Variants in COG5 observed in about 807,000 individuals in gnomAD.
COG5 encodes component of oligomeric golgi complex 5, also known as conserved oligomeric Golgi complex subunit 5.
Under a neutral mutation model 110.4 loss-of-function variants are expected in COG5, and 86 were observed. That is an observed-to-expected ratio of 0.78 (90% CI 0.65 to 0.93). The LOEUF is 0.93. Among genes scored for constraint, COG5 ranks in the 40% least tolerant of loss-of-function variants. The pLI is 0.00. For synonymous variants in COG5, 360 were observed against 334.6 expected (o/e 1.08, Z -0.83); for missense variants, 1,077 against 987.0 (o/e 1.09, Z -1.22).
At chr7:107,222,736 T>C (rs1331173135) in intron 19 of COG5, among the ~76,000 whole-genome samples, 1 of 152,176 alleles carries the variant, frequency 6.6e-6, no homozygotes, top group African/African-American at 2.4e-5. Context: ...CTAAAGTGCT[T>C]TATGAAACAA....
chr7:107,461,928 G>A (rs553636665), intron 6 of COG5, among the ~76,000 whole-genome samples: 11 of 152,216 alleles, frequency 7.2e-5, no homozygotes, highest in Non-Finnish European at 8.8e-5. Context: ...TTTAAAGATC[G>A]GAGGACTCAA....
intron 10 of COG5, among the ~76,000 whole-genome samples, chr7:107,352,351 AT>A (rs1381170629): frequency 6.6e-6 from 1 of 150,674 alleles, no homozygotes; most frequent in Non-Finnish European, 1.5e-5. Context: ...CCTAATGCTA[AT>A]TGACAAGTTA....
chr7:107,504,613 AATCT>A (rs1490836159), intron 6 of COG5, among the ~76,000 whole-genome samples: 1 of 152,146 alleles, frequency 6.6e-6, no homozygotes, highest in Admixed American at 6.5e-5. Context: ...TTCAGCTGTG[AATCT>A]ATCTAGCCCT....
intron 12 of COG5, among the ~76,000 whole-genome samples, chr7:107,293,593 T>C (rs1806349407): frequency 6.6e-6 from 1 of 152,206 alleles, no homozygotes; most frequent in Non-Finnish European, 1.5e-5. Context: ...ACTCATTCTT[T>C]GGGGCTCCAC....
chr7:107,563,683 G>T, intron 1 of COG5, 120 bp downstream of exon 1: 1 of 1,128,482 alleles, frequency 8.9e-7, no homozygotes, highest in Non-Finnish European at 1.3e-6. Context: ...GCGGAGGGGA[G>T]TGGTCACGTC....
At chr7:107,452,691 G>A (rs888477696) in intron 6 of COG5, among the ~76,000 whole-genome samples, 6 of 152,224 alleles carry the variant, frequency 3.9e-5, no homozygotes, top group South Asian at 2.1e-4. Flanking sequence ...ATGTGAAACT[G>A]TAAGTCCATT....
intron 11 of COG5, among the ~76,000 whole-genome samples, chr7:107,322,916 T>C (rs73187346): frequency 0.049 from 7,464 of 152,226 alleles, 223 homozygotes; most frequent in East Asian, 0.11. Context: ...TGCAACAACA[T>C]GGAAGAATCT....
At chr7:107,301,046 GAC>G (rs1446751119) in intron 11 of COG5, among the ~76,000 whole-genome samples, 1 of 152,144 alleles carries the variant, frequency 6.6e-6, no homozygotes, top group Non-Finnish European at 1.5e-5. Flanking sequence ...CAATTTAGTA[GAC>G]ACAGGGTAGA....
intron 6 of COG5, among the ~76,000 whole-genome samples, chr7:107,416,563 A>T (rs1169769463): frequency 2.0e-5 from 3 of 152,212 alleles, no homozygotes; most frequent in African/African-American, 7.2e-5. Flanking sequence ...TATAACTTAT[A>T]TATGTTAAAA....
At chr7:107,379,522 G>A (rs1814923133) in intron 7 of COG5, among the ~76,000 whole-genome samples, 1 of 147,312 alleles carries the variant, frequency 6.8e-6, no homozygotes, top group South Asian at 2.2e-4. Flanking sequence ...ATACTCAGGA[G>A]ACCCATCTCA....
chr7:107,420,530 G>A (rs964373182), intron 6 of COG5, among the ~76,000 whole-genome samples: 1 of 152,036 alleles, frequency 6.6e-6, no homozygotes, highest in African/African-American at 2.4e-5. Context: ...GTGCAATCTC[G>A]GCTCACTGCA....
At position 107,372,662 on chromosome 7, in the gene COG5, TA is replaced by T. The variant is rs1562995466; in HGVS notation, c.767del (p.Leu256Ter). The T allele has an allele frequency of 6.2e-7, 1 of 1,613,686 alleles. No individual in the cohort carries two copies. Among genetic ancestry groups the T allele is most frequent in the East Asian group, 2.2e-5 (1 of 44,800 alleles). ...CTAATGCACTGTTGATATTTTCTTCTAAAGTAGCACAATATCCATCCACAAC... is the reference window on the plus strand; with the variant it reads ...CTAATGCACTGTTGATATTTTCTTCTAAGTAGCACAATATCCATCCACAAC... ...TSVVDGYCAT[L>X]EENINSALDI... On this transcript the variant is annotated frameshift_variant, in exon 8 of 22. Transcript: ENST00000297135. LOFTEE classifies it high-confidence loss of function.
rs529767662 is a variant in COG5 at position 107,320,016 on chromosome 7, C to T, written c.1108+4424G>A. On this transcript the variant is annotated intron_variant, in intron 11 of 21. Transcript: ENST00000297135. ...ACAAAAAAAACTGAAAAGTATAATT[C>T]TTTAGAAAAGAGTGAACACTCTGAT... 2.6e-5 allele frequency among the ~76,000 whole-genome samples: 4 copies of T among 152,180 alleles called. No individual in the cohort carries two copies. The East Asian group carries it at 7.7e-4, about 29-fold the overall frequency.
intron 5 of COG5, among the ~76,000 whole-genome samples, chr7:107,533,386 T>C (rs893508447): frequency 6.6e-6 from 1 of 151,388 alleles, no homozygotes; most frequent in African/African-American, 2.5e-5. Flanking sequence ...TACAGGAGCA[T>C]GTTCTAACCC....
At chr7:107,542,490 C>T (rs1286420543) in intron 5 of COG5, among the ~76,000 whole-genome samples, 1 of 152,012 alleles carries the variant, frequency 6.6e-6, no homozygotes, top group East Asian at 1.9e-4. Context: ...AATCAGAAAC[C>T]CTATAACCCA....
intron 11 of COG5, among the ~76,000 whole-genome samples, chr7:107,322,540 C>T (rs914271138): frequency 6.6e-6 from 1 of 151,998 alleles, no homozygotes; most frequent in African/African-American, 2.4e-5. Context: ...TAGTACACAC[C>T]CACTGGAATG....
At chr7:107,241,538 C>T (rs10953533) in intron 17 of COG5, among the ~76,000 whole-genome samples, 23,709 of 151,450 alleles carry the variant, frequency 0.16, 2,311 homozygotes, top group Non-Finnish European at 0.22. Flanking sequence ...CTGCAAGCTC[C>T]GCCTCCGGGG....
At chr7:107,349,058 C>T (rs1004297003) in intron 10 of COG5, among the ~76,000 whole-genome samples, 1 of 152,048 alleles carries the variant, frequency 6.6e-6, no homozygotes, top group Non-Finnish European at 1.5e-5. Context: ...AATTCCTGAA[C>T]AATGGATTGT....
chr7:107,452,002 C>T (rs1384092608), intron 6 of COG5, among the ~76,000 whole-genome samples: 5 of 152,046 alleles, frequency 3.3e-5, no homozygotes, highest in Non-Finnish European at 7.4e-5. Flanking sequence ...CTCACAGAAC[C>T]ATTCCTCCTA....
Sources: allele counts gnomAD v4.1 joint callset (sites outside exome capture counted in the v4.1 genomes callset), GRCh38; gene constraint gnomAD v4.1.1; transcripts MANE v1.5; gene names NCBI Gene and HGNC (gene_info 2026-07-23, HGNC 2026-07-21).